CREBRF: variants seen among roughly 807,000 people sequenced by gnomAD.
The protein encoded by CREBRF is UPF0474 protein C5orf41.
A neutral mutation model predicts 66.1 loss-of-function variants in CREBRF; 5 were observed. The ratio of observed to expected loss-of-function variants is 0.08; its 90% confidence interval spans 0.04 to 0.16. CREBRF has a LOEUF of 0.16. CREBRF is among the 10% of genes least tolerant of loss of function. The pLI is 1.00. For missense variants in CREBRF, 531 were observed against 744.9 expected, an observed-to-expected ratio of 0.71 and a Z score of 3.34; for synonymous variants, 229 against 264.4, an observed-to-expected ratio of 0.87 and a Z score of 1.30.
At chr5:173,065,195 A>G (rs948181563) in intron 1 of CREBRF, among the ~76,000 whole-genome samples, 10 of 152,164 alleles carry the variant, frequency 6.6e-5, no homozygotes, top group African/African-American at 2.4e-4. Context: ...TTGAATATTC[A>G]TTGAAAAAGT....
intron 1 of CREBRF, among the ~76,000 whole-genome samples, chr5:173,062,497 T>G (rs571923924): frequency 1.1e-4 from 17 of 152,318 alleles, no homozygotes; most frequent in African/African-American, 4.1e-4. Context: ...TAAGAAAGTT[T>G]TTAGAGAAGC....
At chr5:173,063,193 A>G (rs948195429) in intron 1 of CREBRF, among the ~76,000 whole-genome samples, 20 of 152,072 alleles carry the variant, frequency 1.3e-4, no homozygotes, top group African/African-American at 4.6e-4. Context: ...TCCAAAATCT[A>G]TATTGTAACT....
intron 1 of CREBRF, among the ~76,000 whole-genome samples, chr5:173,076,079 A>AAT (rs1491432738): frequency 7.0e-6 from 1 of 142,568 alleles, no homozygotes; most frequent in Non-Finnish European, 1.5e-5. Context: ...AAAAAAAAAA[A>AAT]GTAATTAAGT....
chr5:173,114,845 A>G (rs1183728400), intron 7 of CREBRF, among the ~76,000 whole-genome samples: 1 of 152,212 alleles, frequency 6.6e-6, no homozygotes, highest in East Asian at 1.9e-4. Flanking sequence ...GGAAAGCTAT[A>G]TGGAAACATT....
chr5:173,108,152 T>C (rs933951726), intron 4 of CREBRF, among the ~76,000 whole-genome samples: 2 of 151,874 alleles, frequency 1.3e-5, no homozygotes, highest in Admixed American at 6.6e-5. Context: ...TTTTTAAAAA[T>C]TAAAATAAAA....
chr5:173,100,130 A>AT lies in CREBRF; in HGVS notation c.1223-8494_1223-8493insT, dbSNP rs1491331852. ...TGTGTGTGTGTGTGTATATATATAT[A>AT]ATTTTTTTTTTTTTTTTTTTTTTTT... On this transcript the variant is annotated intron_variant, in intron 4 of 8. Coordinates refer to ENST00000296953, the MANE Select transcript of CREBRF (RefSeq NM_153607.3). Among the ~76,000 whole-genome samples, 978 of 104,898 alleles carry AT rather than the reference A, an allele frequency of 9.3e-3. 42 individuals are homozygous for AT. Among genetic ancestry groups the AT allele is most frequent in the Middle Eastern group, 0.024 (4 of 164 alleles). 68.8% of individuals were successfully genotyped at this position (104,898 alleles called of 152,430 possible).
chr5:173,096,757 A>AT (rs1240760596), intron 4 of CREBRF, among the ~76,000 whole-genome samples: 35 of 151,574 alleles, frequency 2.3e-4, no homozygotes, highest in Non-Finnish European at 3.2e-4. Context: ...AATTTGTTAA[A>AT]TTTTATTTTA....
At chr5:173,096,476 CT>C (rs1206047493) in intron 4 of CREBRF, among the ~76,000 whole-genome samples, 6 of 112,736 alleles carry the variant, frequency 5.3e-5, no homozygotes, top group African/African-American at 1.6e-4. Context: ...CTCCCCTCCC[CT>C]TTCTGTGTCC....
chr5:173,115,142 T>C (rs1018045776), intron 7 of CREBRF, among the ~76,000 whole-genome samples: 1 of 151,578 alleles, frequency 6.6e-6, no homozygotes, highest in African/African-American at 2.4e-5. Flanking sequence ...GTTTCACTCT[T>C]GTTGCCCGGG....
intron 4 of CREBRF, among the ~76,000 whole-genome samples, chr5:173,103,651 G>A (rs954903173): frequency 2.2e-4 from 33 of 152,180 alleles, no homozygotes; most frequent in Non-Finnish European, 3.7e-4. Context: ...GGTGCAAAAT[G>A]GAGTTTTAGT....
At chr5:173,126,429 C>G (rs1759276468) in intron 8 of CREBRF, among the ~76,000 whole-genome samples, 1 of 152,224 alleles carries the variant, frequency 6.6e-6, no homozygotes. Context: ...GCCTGAGCCA[C>G]TGCACCTGGC....
At chr5:173,085,149 G>C (rs1311900142) in intron 2 of CREBRF, among the ~76,000 whole-genome samples, 1 of 151,446 alleles carries the variant, frequency 6.6e-6, no homozygotes, top group African/African-American at 2.4e-5. Flanking sequence ...TGCCATATTG[G>C]CCAGCCTGGT....
rs946986410 is a variant in CREBRF, at chr5:173,108,639, C to G, written c.1238C>G (p.Ser413Cys). The G allele has an allele frequency of 4.4e-6, 7 of 1,607,196 alleles. No homozygotes were observed. The highest frequency in any genetic ancestry group is 1.3e-5 in the African/African-American group (1 of 74,550). The change falls in exon 5 of 9, where the codon TCT (serine) becomes TGT (cysteine). Residue 413 changes from serine to cysteine, a missense_variant. Coordinates refer to ENST00000296953, the MANE Select transcript of CREBRF (RefSeq NM_153607.3). ...TTTTTTTAAGGCTATGAAAATGATT[C>G]TGTAGAAGACCTGAAGGAGGTGACT... is the stretch of plus-strand genomic sequence containing the variant. ...TFSEPGYEND[S>C]VEDLKEVTSI... is the part of the protein sequence containing the mutation.
intron 1 of CREBRF, among the ~76,000 whole-genome samples, chr5:173,076,340 A>G (rs538651367): frequency 6.6e-6 from 1 of 152,280 alleles, no homozygotes; most frequent in South Asian, 2.1e-4. Context: ...AATTTCAAAC[A>G]TGTTTTGGAG....
intron 2 of CREBRF, among the ~76,000 whole-genome samples, chr5:173,082,908 C>CAAAAAAAAAAAAAAAAAAAAA (rs70984937): frequency 1.4e-4 from 4 of 28,984 alleles, no homozygotes; most frequent in Non-Finnish European, 2.4e-4. Flanking sequence ...GACTCTGTCT[C>CAAAAAAAAAAAAAAAAAAAAA]AAAAAAAAAA....
intron 8 of CREBRF, among the ~76,000 whole-genome samples, chr5:173,130,846 G>A (rs1759405430): frequency 6.6e-6 from 1 of 152,012 alleles, no homozygotes; most frequent in Non-Finnish European, 1.5e-5. Flanking sequence ...CCAAGTCACT[G>A]GTCGTACACC....
intron 3 of CREBRF, among the ~76,000 whole-genome samples, chr5:173,089,309 C>A (rs1341828270): frequency 6.6e-6 from 1 of 151,772 alleles, no homozygotes; most frequent in Non-Finnish European, 1.5e-5. Context: ...GTGCCTCCAC[C>A]TTCCAAACCT....
rs1759640929 is a variant in CREBRF, at chr5:173,138,585, C to A, written c.*4840C>A. ...CATCAAAGTTGGGTATTTCAATGTG[C>A]CAAGTTTGGGTGAACTAGGTTCGGT... On this transcript the variant is annotated 3_prime_UTR_variant, in exon 9 of 9. Coordinates refer to ENST00000296953, the MANE Select transcript of CREBRF (RefSeq NM_153607.3). 6.6e-6 allele frequency: 1 copy of A among 152,070 alleles called. No homozygotes were observed. The highest frequency in any genetic ancestry group is 1.5e-5 in the Non-Finnish European group (1 of 68,010). 9.4% of individuals were successfully genotyped at this position (152,070 alleles called of 1,614,324 possible). A position where few individuals can be genotyped will look rare whatever the true frequency, so the allele number is the denominator to read the frequency against.
intron 7 of CREBRF, among the ~76,000 whole-genome samples, chr5:173,116,211 A>T (rs1168591210): frequency 6.6e-6 from 1 of 152,250 alleles, no homozygotes; most frequent in Non-Finnish European, 1.5e-5. Flanking sequence ...GTGCTGAAAT[A>T]AAAAATGTGT....
Sources: allele counts gnomAD v4.1 joint callset (sites outside exome capture counted in the v4.1 genomes callset), GRCh38; gene constraint gnomAD v4.1.1; transcripts MANE v1.5; gene names NCBI Gene and HGNC (gene_info 2026-07-23, HGNC 2026-07-21).